CCDC197: variants seen among roughly 807,000 people sequenced by gnomAD.
CCDC197 encodes the protein coiled-coil domain containing 197.
CCDC197 carries 24 observed loss-of-function variants against 13.4 expected under a neutral mutation model. The observed-to-expected ratio is 1.80, with a 90% CI of 1.30 to 2.53. CCDC197 has a LOEUF of 2.53. Ranked by LOEUF, CCDC197 falls within the 30% of genes most tolerant of loss-of-function variation. The probability of loss-of-function intolerance (pLI) is 0.00; values close to 1 mark genes in which losing one functional copy is unlikely to be tolerated. For synonymous variants in CCDC197, 99 were observed against 55.5 expected (o/e 1.78, Z -3.48); for missense variants, 255 against 148.8 (o/e 1.71, Z -3.71).
intron 1 of CCDC197, among the ~76,000 whole-genome samples, chr14:93,991,812 C>A (rs1338489937): frequency 6.6e-6 from 1 of 151,782 alleles, no homozygotes; most frequent in African/African-American, 2.4e-5. Context: ...GAGACTTGTG[C>A]TCCAGGCCGA....
Position 94,003,165 on chromosome 14 carries a change from C to T in CCDC197, c.367-58C>T. ...CACAGACCACCCTGGGGACTCAGACCAGGGCATATGCCCTGGAGGGTTTGT... is the reference window on the plus strand; with the variant it reads ...CACAGACCACCCTGGGGACTCAGACTAGGGCATATGCCCTGGAGGGTTTGT... On this transcript the variant is annotated intron_variant, in intron 4 of 6. Coordinates refer to ENST00000636493, the MANE Select transcript of CCDC197 (RefSeq NM_001351596.2). The surrounding 1 kb of genome is among the most constrained non-coding windows in gnomAD (Gnocchi z 5.0). 1.3e-6 allele frequency: 1 copy of T among 750,844 alleles called. No homozygotes were observed. The highest frequency in any genetic ancestry group is 1.7e-5 in the African/African-American group (1 of 58,656). 46.5% of individuals were successfully genotyped at this position (750,844 alleles called of 1,614,324 possible). A position where few individuals can be genotyped will look rare whatever the true frequency, so the allele number is the denominator to read the frequency against.
Position 94,001,441 on chromosome 14 carries a change from G to T in CCDC197, c.366+118G>T, listed in dbSNP as rs1398298590. ...GAGGGAGCAGCGGCGTAATGCTGGG[G>T]GGCCCTCGGTGGGGCTGTCGCTCCT... is the stretch of plus-strand genomic sequence containing the variant. On this transcript the variant is annotated intron_variant, in intron 4 of 6. Coordinates refer to ENST00000636493, the MANE Select transcript of CCDC197 (RefSeq NM_001351596.2). 6 of 557,160 alleles carry T rather than the reference G, an allele frequency of 1.1e-5. No homozygotes were observed. In the East Asian group the frequency reaches 1.9e-4, roughly 17 times the overall value. 34.5% of individuals were successfully genotyped at this position (557,160 alleles called of 1,614,324 possible).
At position 94,003,010 on chromosome 14, in the gene CCDC197, C is replaced by T. The variant is rs1313339596; in HGVS notation, c.367-213C>T. 6.6e-6 allele frequency among the ~76,000 whole-genome samples: 1 copy of T among 152,078 alleles called. No homozygotes were observed. Among genetic ancestry groups the T allele is most frequent in the Non-Finnish European group, 1.5e-5 (1 of 68,006 alleles). ...AAGAGAACTTGTGTAGGGGAACTCC[C>T]CTTTATAAAATTATCAGGAACTGGG... is the stretch of plus-strand genomic sequence containing the variant. On this transcript the variant is annotated intron_variant, in intron 4 of 6. Transcript: ENST00000636493. This position sits in a 1 kb window ranked among gnomAD's most constrained non-coding sequence, Gnocchi z 5.0.
chr14:94,002,747 G>C (rs1373306218), intron 4 of CCDC197, among the ~76,000 whole-genome samples: 2 of 151,450 alleles, frequency 1.3e-5, no homozygotes, highest in African/African-American at 4.9e-5. Flanking sequence ...CAGCTAATTA[G>C]GAGGTTGAAG....
At chr14:93,997,023 G>A (rs993926365), upstream of CCDC197, among the ~76,000 whole-genome samples, 3 of 152,216 alleles carry the variant, frequency 2.0e-5, no homozygotes, top group African/African-American at 7.2e-5. Context: ...GGAGAGTCCC[G>A]GGACAGGTCA....
intron 6 of CCDC197, among the ~76,000 whole-genome samples, chr14:94,008,336 A>T (rs911411273): frequency 6.6e-6 from 1 of 152,166 alleles, no homozygotes; most frequent in African/African-American, 2.4e-5. Context: ...CAGTGAGAAG[A>T]GGCAGGCAAC....
At chr14:93,991,686 G>T (rs1207120020) in intron 1 of CCDC197, among the ~76,000 whole-genome samples, 1 of 152,180 alleles carries the variant, frequency 6.6e-6, no homozygotes, top group Admixed American at 6.5e-5. Context: ...GCCACACAGG[G>T]GTGAGGTCAT....
intron 3 of CCDC197, among the ~76,000 whole-genome samples, chr14:94,000,659 G>A (rs527438075): frequency 4.6e-5 from 7 of 152,224 alleles, no homozygotes; most frequent in African/African-American, 1.4e-4. Flanking sequence ...GGAGGAGTCA[G>A]GGCTGCAGGT....
intron 1 of CCDC197, among the ~76,000 whole-genome samples, chr14:93,991,507 G>A (rs1043147312): frequency 2.6e-5 from 4 of 152,172 alleles, no homozygotes; most frequent in African/African-American, 7.2e-5. Flanking sequence ...GTGCATCTCC[G>A]AAGCTCTGTC....
In CCDC197 at chr14:93,990,876, C is replaced by T. The variant is rs148501123; in HGVS notation, c.-107+3480C>T. On this transcript the variant is annotated intron_variant, in intron 1 of 7. Coordinates refer to the CCDC197 transcript ENST00000640978. ...CTAGATGCTGAATGCTTTACGTATA[C>T]CAGCTAATTTCATCTCCACAGCAAC... Among the ~76,000 whole-genome samples, 516 of 152,242 alleles carry T rather than the reference C, an allele frequency of 3.4e-3. 4 individuals are homozygous for T. The Middle Eastern group carries it at 0.041, about 12-fold the overall frequency.
At chr14:93,996,738 T>G (rs1370397209), upstream of CCDC197, among the ~76,000 whole-genome samples, 1 of 148,474 alleles carries the variant, frequency 6.7e-6, no homozygotes, top group Non-Finnish European at 1.5e-5. Flanking sequence ...GCCGGCAGGG[T>G]GGTGCGTGTG....
intron 1 of CCDC197, among the ~76,000 whole-genome samples, chr14:93,989,856 C>T (rs1890175593): frequency 6.6e-6 from 1 of 152,148 alleles, no homozygotes; most frequent in South Asian, 2.1e-4. Context: ...GAAGAATCTA[C>T]ATTCAAACTT....
At position 94,004,921 on chromosome 14, in the gene CCDC197, C is replaced by T. The variant is rs753273920; in HGVS notation, c.565C>T (p.His189Tyr). ...GGCCCGGCAGTGCTGCCCCTCTGCC[C>T]ACGGCGTGCCCAAGAGCATGGATCT... ...NMARQCCPSA[H>Y]GVPKSMDLFS... The change falls in exon 6 of 7, where the codon CAC becomes TAC. Residue 189 changes from histidine to tyrosine, a missense_variant. Physicochemically the swap from His to Tyr is moderately conservative, Grantham distance 83. Transcript: ENST00000636493. The T allele has an allele frequency of 2.6e-5, 18 of 702,834 alleles. No homozygotes were observed. The highest frequency in any genetic ancestry group is 1.2e-4 in the Admixed American group (6 of 49,990). The allele number at this position is 702,834 out of a possible 1,614,324, so 43.5% of individuals were successfully genotyped here.
chr14:94,008,656 C>T lies in CCDC197; in HGVS notation c.663C>T (p.Leu221=), dbSNP rs1039199578. The T allele has an allele frequency of 4.3e-6, 3 of 703,046 alleles. No individual in the cohort carries two copies. Among genetic ancestry groups the T allele is most frequent in the Admixed American group, 2.0e-5 (1 of 50,024 alleles). 43.6% of individuals were successfully genotyped at this position (703,046 alleles called of 1,614,324 possible). A position where few individuals can be genotyped will look rare whatever the true frequency, so the allele number is the denominator to read the frequency against. The change falls in exon 7 of 7, where the codon CTC becomes CTT. Residue 221 remains leucine, a synonymous_variant. Coordinates refer to ENST00000636493, the MANE Select transcript of CCDC197 (RefSeq NM_001351596.2). ...KMETVRLIAL[L]TEPKVCWSWD... ...AGACTGTAAGACTGATCGCACTGCTCACGGAACCCAAAGTGTGCTGGTCAT... is the reference window on the plus strand; with the variant it reads ...AGACTGTAAGACTGATCGCACTGCTTACGGAACCCAAAGTGTGCTGGTCAT...
At chr14:94,007,267 G>T (rs1209826935) in intron 6 of CCDC197, 1 of 152,150 alleles carries the variant, frequency 6.6e-6, no homozygotes, top group African/African-American at 2.4e-5. Flanking sequence ...CTACTGTTTA[G>T]GTCTGTGGTT....
rs192855813 is a variant in CCDC197 at position 94,000,285 on chromosome 14, A to G, written c.187+620A>G. ...TTACCCCTCCTATGAGCTTTGCACT[A>G]CTGTGTCACTCAGGCTCAGAGAGGG... On this transcript the variant is annotated intron_variant, in intron 3 of 6. Transcript: ENST00000636493. Among the ~76,000 whole-genome samples the G allele has an allele frequency of 7.2e-5, 11 of 152,294 alleles. No individual in the cohort carries two copies. In the East Asian group the frequency reaches 2.1e-3, roughly 29 times the overall value.
chr14:93,996,950 T>TG (rs992543621), upstream of CCDC197, among the ~76,000 whole-genome samples: 15 of 152,080 alleles, frequency 9.9e-5, no homozygotes, highest in Non-Finnish European at 1.6e-4. Flanking sequence ...GGCTGAGCCT[T>TG]GGGGGGGCTG....
Position 93,998,082 on chromosome 14 carries a change from C to T in CCDC197, c.-50C>T. The T allele has an allele frequency of 1.3e-6, 1 of 778,620 alleles. No individual in the cohort carries two copies. Among genetic ancestry groups the T allele is most frequent in the Non-Finnish European group, 2.4e-6 (1 of 417,396 alleles). The allele number at this position is 778,620 out of a possible 1,614,324, so 48.2% of individuals were successfully genotyped here. A position where few individuals can be genotyped will look rare whatever the true frequency, so the allele number is the denominator to read the frequency against. ...CCCTTTTCGGTCTGTCTTCATCCTG[C>T]CTGACTCACGGGTCTCCTGTCCTCC... On this transcript the variant is annotated 5_prime_UTR_variant, in exon 2 of 7. Coordinates refer to ENST00000636493, the MANE Select transcript of CCDC197 (RefSeq NM_001351596.2).
intron 6 of CCDC197, among the ~76,000 whole-genome samples, chr14:94,006,576 C>T (rs994382105): frequency 5.3e-5 from 8 of 150,822 alleles, no homozygotes; most frequent in South Asian, 2.1e-4. Context: ...AGGCTGGTCT[C>T]GAACTCCTGA....
Sources: gnomAD v4.1 joint callset for allele counts (sites outside exome capture counted in the v4.1 genomes callset) on GRCh38, gnomAD v4.1.1 for gene constraint, Gnocchi (gnomAD v3.1) non-coding constraint, MANE v1.5 for transcripts, NCBI Gene and HGNC (gene_info 2026-07-23, HGNC 2026-07-21) for gene names.